The following WEE1 variants were observed in gnomAD, a reference collection of about 807,000 sequenced individuals.
WEE1 encodes wee1-like protein kinase.
In WEE1, 16 loss-of-function variants were observed where a neutral mutation model predicts 68.8. The ratio of observed to expected loss-of-function variants is 0.23; its 90% CI spans 0.16 to 0.35. The LOEUF (loss-of-function observed/expected upper bound fraction) is 0.35, where lower values mean the gene tolerates loss of function less well. WEE1 is among the 10% of genes least tolerant of loss of function. The pLI, the probability that WEE1 is intolerant of heterozygous loss-of-function variation, is 1.00. For missense variants in WEE1, 651 were observed against 824.1 expected (o/e 0.79, Z 2.57); for synonymous variants, 349 against 318.7 (o/e 1.09, Z -1.01).
chr11:9,573,765 C>A lies in WEE1; in HGVS notation c.-169C>A. ...AAAGTCCGCGCCGCCGCTGCCGCCA[C>A]CGTCCGCAGCCCGAGCGCCCCGGAG... On this transcript the variant is annotated 5_prime_UTR_variant, in exon 1 of 11. Transcript: ENST00000450114. 1 of 362,620 alleles carries A rather than the reference C, an allele frequency of 2.8e-6. No individual in the cohort carries two copies. The highest frequency in any genetic ancestry group is 4.1e-6 in the Non-Finnish European group (1 of 241,530). 22.5% of individuals were successfully genotyped at this position (362,620 alleles called of 1,614,324 possible).
chr11:9,576,422 C>G lies in WEE1; in HGVS notation c.847-65C>G. On this transcript the variant is annotated intron_variant, in intron 3 of 10. Coordinates refer to ENST00000450114, the MANE Select transcript of WEE1 (RefSeq NM_003390.4). The surrounding 1 kb of genome is among the most constrained non-coding windows in gnomAD (Gnocchi z 4.3). The stretch of plus-strand genomic sequence containing the variant: ...TTAAATTTCACACATAGCCCTATCA[C>G]CATAGCAAGAAATAACTGTTTTCGT... 6.3e-7 allele frequency: 1 copy of G among 1,575,068 alleles called. No individual in the cohort carries two copies. The highest frequency in any genetic ancestry group is 2.2e-5 in the East Asian group (1 of 44,630).
In WEE1 at chr11:9,574,838, ATGCTGGAGGG is replaced by A; in HGVS notation, c.576+333_576+342del. The A allele has an allele frequency of 1.0e-6, 1 of 992,228 alleles. No homozygotes were observed. The highest frequency in any genetic ancestry group is 1.2e-6 in the Non-Finnish European group (1 of 834,516). 61.5% of individuals were successfully genotyped at this position (992,228 alleles called of 1,614,324 possible). A position where few individuals can be genotyped will look rare whatever the true frequency, so the allele number is the denominator to read the frequency against. On this transcript the variant is annotated intron_variant, in intron 1 of 10. Transcript: ENST00000450114. The surrounding 1 kb of genome is among the most constrained non-coding windows in gnomAD (Gnocchi z 4.9). ...GGCACCGATAACGCGGTTCGCGAGG[ATGCTGGAGGG>A]TGCCGGCCCGGCCACCTGACACTCC...
chr11:9,573,920 TC>T lies in WEE1; in HGVS notation c.-10del, dbSNP rs1261866408. Reference sequence around the variant, plus strand: ...CTCCGCTCTCCTGTCCTCGGCCCCGTCCCCAGGGCCGCGATGAGCTTCCTGA... The same window carrying T: ...CTCCGCTCTCCTGTCCTCGGCCCCGTCCCAGGGCCGCGATGAGCTTCCTGA... On this transcript the variant is annotated 5_prime_UTR_variant, in exon 1 of 11. Coordinates refer to ENST00000450114, the MANE Select transcript of WEE1 (RefSeq NM_003390.4). 8.8e-6 allele frequency: 11 copies of T among 1,255,834 alleles called. No individual in the cohort carries two copies. The highest frequency in any genetic ancestry group is 1.1e-5 in the Non-Finnish European group (11 of 1,001,782). The allele number at this position is 1,255,834 out of a possible 1,614,324, so 77.8% of individuals were successfully genotyped here. A position where few individuals can be genotyped will look rare whatever the true frequency, so the allele number is the denominator to read the frequency against.
In WEE1 at chr11:9,585,600, A is replaced by T. The variant is rs189955202; in HGVS notation, c.1470+73A>T. ...AGTTGATAGAAGAATATAAATTCAG[A>T]TATATTAAACTTTGAAGTTAACTAA... On this transcript the variant is annotated intron_variant, in intron 8 of 10. Transcript: ENST00000450114. 4.0e-4 allele frequency: 502 copies of T among 1,244,690 alleles called. 4 individuals are homozygous for T. Among genetic ancestry groups the T allele is most frequent in the African/African-American group, 3.1e-3 (205 of 65,552 alleles). 77.1% of individuals were successfully genotyped at this position (1,244,690 alleles called of 1,614,324 possible).
Position 9,589,801 on chromosome 11 carries a change from CTAT to C in WEE1, c.*1204_*1206del, listed in dbSNP as rs1849742463. 1 of 742,116 alleles carries C rather than the reference CTAT, an allele frequency of 1.3e-6. No homozygotes were observed. Among genetic ancestry groups the C allele is most frequent in the African/African-American group, 1.9e-5 (1 of 52,456 alleles). 46.0% of individuals were successfully genotyped at this position (742,116 alleles called of 1,614,324 possible). A position where few individuals can be genotyped will look rare whatever the true frequency, so the allele number is the denominator to read the frequency against. On this transcript the variant is annotated 3_prime_UTR_variant, in exon 11 of 11. Transcript: ENST00000450114. ...ATGCCTGTTTTCTAATATTTTATCTCTATTATTGCTATACTATAAAATGTATAG... is the reference window on the plus strand; with the variant it reads ...ATGCCTGTTTTCTAATATTTTATCTCTATTGCTATACTATAAAATGTATAG...
At position 9,589,756 on chromosome 11, in the gene WEE1, T is replaced by C. The variant is rs1374785865; in HGVS notation, c.*1154T>C. 1.0e-6 allele frequency: 1 copy of C among 968,710 alleles called. No homozygotes were observed. Among genetic ancestry groups the C allele is most frequent in the Non-Finnish European group, 1.2e-6 (1 of 814,388 alleles). The allele number at this position is 968,710 out of a possible 1,614,324, so 60.0% of individuals were successfully genotyped here. A position where few individuals can be genotyped will look rare whatever the true frequency, so the allele number is the denominator to read the frequency against. On this transcript the variant is annotated 3_prime_UTR_variant, in exon 11 of 11. Coordinates refer to ENST00000450114, the MANE Select transcript of WEE1 (RefSeq NM_003390.4). ...ATTAAAAGTCACTCTGAGCTTACCT[T>C]AATTGTCTAAATCCTTGTGATGCCT...
intron 6 of WEE1, among the ~76,000 whole-genome samples, chr11:9,583,792 CACACACACACAT>C (rs1849664176): frequency 5.2e-4 from 16 of 31,012 alleles, no homozygotes; most frequent in African/African-American, 1.8e-3. Flanking sequence ...CACACACACA[CACACACACACAT>C]ATATATATAT....
In WEE1 at chr11:9,585,522, C is replaced by T; in HGVS notation, c.1465C>T (p.Gln489Ter). Reference sequence around the variant, plus strand: ...TCGTTTTCTTGCAAATGAAGTTTTACAGGAGGTAATTTTTCTTCTCCCTTA... The same window carrying T: ...TCGTTTTCTTGCAAATGAAGTTTTATAGGAGGTAATTTTTCTTCTCCCTTA... Reference protein sequence around the residue: ...DSRFLANEVLQENYTHLPKAD... With the variant: ...DSRFLANEVL The change falls in exon 8 of 11, where the codon CAG (glutamine) becomes TAG (stop). Residue 489 changes from glutamine to a stop codon, truncating the protein, a stop_gained. Coordinates refer to ENST00000450114, the MANE Select transcript of WEE1 (RefSeq NM_003390.4). LOFTEE classifies it high-confidence loss of function. The T allele has an allele frequency of 6.3e-7, 1 of 1,583,702 alleles. No individual in the cohort carries two copies. The highest frequency in any genetic ancestry group is 8.5e-7 in the Non-Finnish European group (1 of 1,171,474).
chr11:9,588,309 T>C, intron 10 of WEE1, 140 bp from the exon 11 acceptor site: 2 of 523,998 alleles, frequency 3.8e-6, no homozygotes, highest in Non-Finnish European at 6.2e-6. Flanking sequence ...TAATAGAAGC[T>C]TCAGTTTCCT....
intron 6 of WEE1, among the ~76,000 whole-genome samples, chr11:9,583,753 ACGCGCG>A (rs368149320): frequency 0.6 from 59,192 of 98,724 alleles, 15,958 homozygotes; most frequent in South Asian, 0.63. Context: ...GTGTGCGTGC[ACGCGCG>A]CGCACACACA....
At chr11:9,577,086 A>C (rs1849572729) in intron 4 of WEE1, 56 bp from the exon 5 acceptor site, 1 of 1,527,014 alleles carries the variant, frequency 6.5e-7, no homozygotes, top group Non-Finnish European at 8.8e-7. Context: ...AAATTAATTC[A>C]GTTTAAGCTT....
Position 9,573,899 on chromosome 11 carries a change from G to A in WEE1, c.-35G>A. On this transcript the variant is annotated 5_prime_UTR_variant, in exon 1 of 11. Transcript: ENST00000450114. ...AGTGTCCTGGACCCCGCAGGCCTCCGCTCTCCTGTCCTCGGCCCCGTCCCC... is the reference window on the plus strand; with the variant it reads ...AGTGTCCTGGACCCCGCAGGCCTCCACTCTCCTGTCCTCGGCCCCGTCCCC... 5 of 1,228,984 alleles carry A rather than the reference G, an allele frequency of 4.1e-6. No homozygotes were observed. The East Asian group carries it at 9.8e-5, about 24-fold the overall frequency. 76.1% of individuals were successfully genotyped at this position (1,228,984 alleles called of 1,614,324 possible). A position where few individuals can be genotyped will look rare whatever the true frequency, so the allele number is the denominator to read the frequency against.
intron 5 of WEE1, chr11:9,577,773 C>CT (rs1444123074): frequency 4.6e-6 from 2 of 434,424 alleles, no homozygotes; most frequent in Non-Finnish European, 9.1e-6. Flanking sequence ...TCCACTAACG[C>CT]TTTATTATGT....
chr11:9,576,291 A>G lies in WEE1; in HGVS notation c.844A>G (p.Lys282Glu). 1.3e-6 allele frequency: 2 copies of G among 1,526,448 alleles called. No homozygotes were observed. The allele number at this position is 1,526,448 out of a possible 1,614,324, so 94.6% of individuals were successfully genotyped here. A position where few individuals can be genotyped will look rare whatever the true frequency, so the allele number is the denominator to read the frequency against. Residue 282 changes from lysine to glutamate, a missense_variant and splice_region_variant, in exon 3 of 11, where the codon AAG (lysine) becomes GAG (glutamate). Transcript: ENST00000450114. The surrounding 1 kb of genome is among the most constrained non-coding windows in gnomAD (Gnocchi z 4.3). ...GCTTGAAGATGAAACAAGACCTGCT[A>G]AGGTAAATAGCTTTTTATTTTTATT... ...YELEDETRPA[K>E]RITITESNMK...
In WEE1 at chr11:9,574,413, C is replaced by T; in HGVS notation, c.480C>T (p.Gly160=). The change falls in exon 1 of 11, where the codon GGC becomes GGT. Residue 160 remains glycine, a synonymous_variant. Coordinates refer to ENST00000450114, the MANE Select transcript of WEE1 (RefSeq NM_003390.4). The surrounding 1 kb of genome is among the most constrained non-coding windows in gnomAD (Gnocchi z 4.9). ...GGGGTTGCGGGGCGCGCCGGGCGGGCGAAGGCCGCCGCTCGCCGCGGCCGG... is the reference window on the plus strand; with the variant it reads ...GGGGTTGCGGGGCGCGCCGGGCGGGTGAAGGCCGCCGCTCGCCGCGGCCGG... ...SPRGCGARRA[G]EGRRSPRPDH... is the part of the protein sequence containing the mutation. The T allele has an allele frequency of 8.2e-7, 1 of 1,217,414 alleles. No homozygotes were observed. Among genetic ancestry groups the T allele is most frequent in the Non-Finnish European group, 1.0e-6 (1 of 984,140 alleles). 75.4% of individuals were successfully genotyped at this position (1,217,414 alleles called of 1,614,324 possible). A position where few individuals can be genotyped will look rare whatever the true frequency, so the allele number is the denominator to read the frequency against.
At position 9,574,624 on chromosome 11, in the gene WEE1, C is replaced by T; in HGVS notation, c.576+115C>T. Reference sequence around the variant, plus strand: ...CGGCCGCTCCCCCCTCGCTTTCCTGCGCCGCCCCCCAAAGTTGGCAGCCCT... The same window carrying T: ...CGGCCGCTCCCCCCTCGCTTTCCTGTGCCGCCCCCCAAAGTTGGCAGCCCT... On this transcript the variant is annotated intron_variant, in intron 1 of 10. Transcript: ENST00000450114. This position sits in a 1 kb window ranked among gnomAD's most constrained non-coding sequence, Gnocchi z 4.9. 9.0e-7 allele frequency: 1 copy of T among 1,117,054 alleles called. No individual in the cohort carries two copies. Among genetic ancestry groups the T allele is most frequent in the Non-Finnish European group, 1.1e-6 (1 of 915,384 alleles). The allele number at this position is 1,117,054 out of a possible 1,614,324, so 69.2% of individuals were successfully genotyped here. A position where few individuals can be genotyped will look rare whatever the true frequency, so the allele number is the denominator to read the frequency against.
chr11:9,584,283 G>A (rs1849676913), intron 6 of WEE1, among the ~76,000 whole-genome samples: 1 of 152,054 alleles, frequency 6.6e-6, no homozygotes, highest in Admixed American at 6.6e-5. Flanking sequence ...CTACAGGCAT[G>A]CACCACCATT....
chr11:9,575,313 A>C, intron 1 of WEE1: 2 of 987,470 alleles, frequency 2.0e-6, no homozygotes, highest in Non-Finnish European at 2.4e-6. Flanking sequence ...TAAAGCTGAT[A>C]CTTCCAGAGA....
In WEE1 at chr11:9,575,939, G is replaced by T. The variant is rs34412975; in HGVS notation, c.628G>T (p.Gly210Cys). ...TGATTCCAGCTCTGTTAAACTCCGG[G>T]GTAGTTCTCTCTTCATGGATACAGA... ...GIDSSSVKLR[G>C]SSLFMDTEKS... The change falls in exon 2 of 11, where the codon GGT (glycine) becomes TGT (cysteine). Residue 210 changes from glycine to cysteine, a missense_variant. Physicochemically the swap from Gly to Cys is radical, Grantham distance 159. Around this residue, in one of 5 missense-constraint regions of WEE1, gnomAD observed 395 missense variants for 378.4 expected, o/e 1.04. Coordinates refer to ENST00000450114, the MANE Select transcript of WEE1 (RefSeq NM_003390.4). 7.0e-3 allele frequency: 11,349 copies of T among 1,614,084 alleles called. 63 individuals are homozygous for T. Among genetic ancestry groups the T allele is most frequent in the Middle Eastern group, 0.015 (91 of 6,062 alleles).
Sources: gnomAD v4.1 joint callset for allele counts (sites outside exome capture counted in the v4.1 genomes callset) on GRCh38, gnomAD v4.1.1 for gene constraint, gnomAD v4.1.1 regional missense constraint, Gnocchi (gnomAD v3.1) non-coding constraint, MANE v1.5 for transcripts, NCBI Gene and HGNC (gene_info 2026-07-23, HGNC 2026-07-21) for gene names.